S100A10: variants seen among roughly 807,000 people sequenced by gnomAD.
S100A10 encodes the protein protein S100-A10.
In S100A10, 3 loss-of-function variants were observed where a neutral mutation model predicts 7.1. The ratio of observed to expected loss-of-function variants is 0.42; its 90% CI spans 0.19 to 1.10. S100A10 has a LOEUF of 1.10. S100A10 is among the 50% of genes least tolerant of loss of function. The pLI is 0.29. For synonymous variants in S100A10, 41 were observed against 39.3 expected, an observed-to-expected ratio of 1.04 and a Z score of -0.16; for missense variants, 101 against 118.1, an observed-to-expected ratio of 0.86 and a Z score of 0.67.
Position 151,993,712 on chromosome 1 carries a change from G to A in S100A10, c.-22+40C>T, listed in dbSNP as rs112776729. 6,281 of 152,670 alleles carry A rather than the reference G, an allele frequency of 0.041. 166 individuals carry two copies. Among genetic ancestry groups the A allele is most frequent in the African/African-American group, 0.073 (3,034 of 41,554 alleles). 9.5% of individuals were successfully genotyped at this position (152,670 alleles called of 1,614,324 possible). ...CCCCGGGCAGCAGGTCCGGGCCTGG[G>A]GACTACCCAGGAGGGGCGCGTGGGC... is the stretch of plus-strand genomic sequence containing the variant. On this transcript the variant is annotated intron_variant, in intron 1 of 2. Coordinates refer to ENST00000368811, the MANE Select transcript of S100A10 (RefSeq NM_002966.3). The surrounding 1 kb of genome is among the most constrained non-coding windows in gnomAD (Gnocchi z 5.1).
Position 151,983,324 on chromosome 1 carries a change from T to C in S100A10, c.133A>G (p.Asn45Asp). The change falls in exon 3 of 3, where the codon AAT (asparagine) becomes GAT (aspartate). Residue 45 changes from asparagine (N) to aspartate (D), a missense_variant and splice_region_variant. By Grantham distance (23) the Asn-to-Asp change is conservative (BLOSUM62 1). Transcript: ENST00000368811. ...MEKEFPGFLE[N>D]QKDPLAVDKI... ...TCCACAGCCAGAGGGTCTTTTTGAT[T>C]CTGAAAAAAAAAAGAACAAAGGCAA... 6.5e-7 allele frequency: 1 copy of C among 1,534,688 alleles called. No individual in the cohort carries two copies. Among genetic ancestry groups the C allele is most frequent in the Non-Finnish European group, 8.7e-7 (1 of 1,147,010 alleles).
chr1:151,990,006 G>C (rs1655872739), intron 1 of S100A10, among the ~76,000 whole-genome samples: 1 of 152,208 alleles, frequency 6.6e-6, no homozygotes, highest in Non-Finnish European at 1.5e-5. Context: ...TCTTGATTAA[G>C]AACTACAAAT....
intron 1 of S100A10, among the ~76,000 whole-genome samples, chr1:151,992,234 ACCGACTGG>A (rs1655920751): frequency 6.6e-6 from 1 of 152,216 alleles, no homozygotes; most frequent in African/African-American, 2.4e-5. Context: ...GGCAAAGATC[ACCGACTGG>A]GTGTTTCCAT....
intron 1 of S100A10, among the ~76,000 whole-genome samples, chr1:151,987,610 G>A (rs1655820578): frequency 6.7e-6 from 1 of 149,720 alleles, no homozygotes; most frequent in East Asian, 2.0e-4. Context: ...CGCCATCTCG[G>A]CTCGCTGCAA....
intron 2 of S100A10, chr1:151,985,110 G>A (rs1572107777): frequency 6.5e-6 from 1 of 152,910 alleles, no homozygotes. Context: ...TCAGGGGCTG[G>A]ACTAATGTGC....
chr1:151,992,984 C>A (rs1356720607), intron 1 of S100A10, among the ~76,000 whole-genome samples: 1 of 152,194 alleles, frequency 6.6e-6, no homozygotes, highest in Non-Finnish European at 1.5e-5. Flanking sequence ...TGCACCGGGC[C>A]AAATTAATCT....
intron 2 of S100A10, among the ~76,000 whole-genome samples, chr1:151,984,338 C>T (rs2338019): frequency 0.53 from 80,503 of 151,936 alleles, 22,087 homozygotes; most frequent in East Asian, 0.65. Flanking sequence ...GCATTTCCCA[C>T]ATGAGCACTG....
chr1:151,987,027 CTTTTTTTTTTTTT>C (rs386368314), intron 1 of S100A10, among the ~76,000 whole-genome samples: 6 of 83,524 alleles, frequency 7.2e-5, no homozygotes, highest in East Asian at 8.3e-4. Flanking sequence ...CAGTGTTCCT[CTTTTTTTTTTTTT>C]TTTTTTTTTT....
rs748510896 is a variant in S100A10, at chr1:151,983,286, C to T, written c.171G>A (p.Lys57=). ...TGCCATCTCTACACTGGTCCAGGTC[C>T]TTCATTATTTTGTCCACAGCCAGAG... ...KDPLAVDKIM[K]DLDQCRDGKV... Residue 57 remains lysine (K), a synonymous_variant, in exon 3 of 3, where the codon AAG becomes AAA. Transcript: ENST00000368811. 6.4e-7 allele frequency: 1 copy of T among 1,573,258 alleles called. No individual in the cohort carries two copies. Among genetic ancestry groups the T allele is most frequent in the East Asian group, 2.3e-5 (1 of 44,134 alleles).
chr1:151,986,276 G>A (rs543016055), intron 1 of S100A10, 25 bp from the exon 2 acceptor site: 36 of 1,511,654 alleles, frequency 2.4e-5, no homozygotes, highest in Non-Finnish European at 3.1e-5. Flanking sequence ...AAAGTAACAG[G>A]GTCTACATTA....
In S100A10 at chr1:151,983,282, G is replaced by C. The variant is rs11542013; in HGVS notation, c.175C>G (p.Leu59Val). The change falls in exon 3 of 3, where the codon CTG becomes GTG. Residue 59 changes from leucine (L) to valine (V), a missense_variant. Physicochemically the swap from Leu to Val is conservative, Grantham distance 32. Transcript: ENST00000368811. ...PLAVDKIMKD[L>V]DQCRDGKVGF... Reference sequence around the variant, plus strand: ...ACTTTGCCATCTCTACACTGGTCCAGGTCCTTCATTATTTTGTCCACAGCC... The same window carrying C: ...ACTTTGCCATCTCTACACTGGTCCACGTCCTTCATTATTTTGTCCACAGCC... The C allele has an allele frequency of 2.5e-6, 4 of 1,580,314 alleles. No individual in the cohort carries two copies. Among genetic ancestry groups the C allele is most frequent in the Non-Finnish European group, 3.4e-6 (4 of 1,168,838 alleles).
At chr1:151,983,478 A>T (rs1468453743) in intron 2 of S100A10, among the ~76,000 whole-genome samples, 154 bp from the exon 3 acceptor site, 17 of 137,822 alleles carry the variant, frequency 1.2e-4, no homozygotes, top group East Asian at 4.2e-4. Flanking sequence ...ATCTAAATGT[A>T]TTTTTTTTTT....
chr1:151,992,984 C>G (rs1356720607), intron 1 of S100A10, among the ~76,000 whole-genome samples: 2 of 152,194 alleles, frequency 1.3e-5, no homozygotes, highest in Non-Finnish European at 2.9e-5. Flanking sequence ...TGCACCGGGC[C>G]AAATTAATCT....
intron 1 of S100A10, among the ~76,000 whole-genome samples, chr1:151,987,560 G>C (rs1391040320): frequency 9.3e-6 from 1 of 107,038 alleles, no homozygotes; most frequent in Admixed American, 1.2e-4. Flanking sequence ...TTTTTTTTGA[G>C]ACGGAGTCTT....
chr1:151,989,855 G>C (rs541309651), intron 1 of S100A10, among the ~76,000 whole-genome samples: 3 of 152,342 alleles, frequency 2.0e-5, no homozygotes, highest in African/African-American at 7.2e-5. Context: ...CTGCATCCTG[G>C]TTAGACACAT....
At position 151,983,308 on chromosome 1, in the gene S100A10, A is replaced by G. The variant is rs1425321438; in HGVS notation, c.149T>C (p.Leu50Pro). Residue 50 changes from leucine (L) to proline (P), a missense_variant, in exon 3 of 3, where the codon CTG (leucine) becomes CCG (proline). By Grantham distance (98) the Leu-to-Pro change is moderately conservative. Transcript: ENST00000368811. Reference sequence around the variant, plus strand: ...GTCCTTCATTATTTTGTCCACAGCCAGAGGGTCTTTTTGATTCTGAAAAAA... The same window carrying G: ...GTCCTTCATTATTTTGTCCACAGCCGGAGGGTCTTTTTGATTCTGAAAAAA... ...PGFLENQKDPLAVDKIMKDLD... is the reference protein window; with the variant it reads ...PGFLENQKDPPAVDKIMKDLD... The G allele has an allele frequency of 1.3e-6, 2 of 1,552,362 alleles. No individual in the cohort carries two copies. Among genetic ancestry groups the G allele is most frequent in the South Asian group, 1.2e-5 (1 of 81,112 alleles).
At chr1:151,992,403 T>C (rs16833743) in intron 1 of S100A10, 45,602 of 152,048 alleles carry the variant, frequency 0.3, 7,154 homozygotes, top group South Asian at 0.54. Context: ...GCCAGGCGCA[T>C]ACTGGCCGAT....
chr1:151,984,756 T>C (rs1400874243), intron 2 of S100A10, among the ~76,000 whole-genome samples: 1 of 152,228 alleles, frequency 6.6e-6, no homozygotes, highest in Non-Finnish European at 1.5e-5. Flanking sequence ...TGCATCTTAA[T>C]GCTTGTCTTG....
intron 2 of S100A10, 72 bp downstream of exon 2, chr1:151,986,024 CAAG>C: frequency 7.4e-7 from 1 of 1,355,838 alleles, no homozygotes; most frequent in Non-Finnish European, 9.9e-7. Flanking sequence ...GGGATGGAAA[CAAG>C]AAGGAAAAGG....
Sources: gnomAD v4.1 joint callset for allele counts (sites outside exome capture counted in the v4.1 genomes callset) on GRCh38, gnomAD v4.1.1 for gene constraint, Gnocchi (gnomAD v3.1) non-coding constraint, MANE v1.5 for transcripts, NCBI Gene and HGNC (gene_info 2026-07-23, HGNC 2026-07-21) for gene names.